The following MID1 variants were observed in gnomAD, a reference collection of about 807,000 sequenced individuals.
MID1 encodes E3 ubiquitin-protein ligase Midline-1.
MID1 carries 7 observed loss-of-function variants against 40.4 expected under a neutral mutation model. That is an observed-to-expected ratio of 0.17 (90% CI 0.10 to 0.33). The LOEUF is 0.33. Ranked by LOEUF, MID1 falls within the 10% of genes least tolerant of loss-of-function variation. The pLI, the probability that MID1 is intolerant of heterozygous loss-of-function variation, is 1.00. For synonymous variants in MID1, 229 were observed against 221.2 expected (o/e 1.04, Z -0.31); for missense variants, 367 against 558.5 (o/e 0.66, Z 3.46).
chrX:10,571,821 T>C (rs990157051), intron 1 of MID1, among the ~76,000 whole-genome samples: 7 of 109,965 alleles, frequency 6.4e-5, no homozygotes, highest in Non-Finnish European at 1.3e-4. Context: ...CTTGGGAGGC[T>C]GAGGCTGCAA....
intron 1 of MID1, among the ~76,000 whole-genome samples, chrX:10,689,689 T>C (rs905539231): frequency 1.8e-5 from 2 of 108,711 alleles, no homozygotes; most frequent in Admixed American, 2.0e-4. Flanking sequence ...GTGTTTCAAA[T>C]GTTGTAGATT....
chrX:10,596,815 C>A (rs927513446), intron 1 of MID1, among the ~76,000 whole-genome samples: 1 of 112,047 alleles, frequency 8.9e-6, no homozygotes, highest in African/African-American at 3.2e-5. Context: ...GACACCAAAA[C>A]CCTGTTAGAA....
chrX:10,795,656 G>A (rs2043962181), intron 1 of MID1, among the ~76,000 whole-genome samples: 1 of 112,453 alleles, frequency 8.9e-6, no homozygotes. Context: ...TCTTTAAAGA[G>A]AAAGAAGAGA....
At chrX:10,460,749 G>A (rs956441320) in intron 7 of MID1, among the ~76,000 whole-genome samples, 4 of 110,983 alleles carry the variant, frequency 3.6e-5, no homozygotes, top group African/African-American at 9.9e-5. Flanking sequence ...AAGTCAAAGG[G>A]TTAGTTCCTT....
chrX:10,797,776 G>C (rs762213769), intron 1 of MID1, among the ~76,000 whole-genome samples: 1 of 111,760 alleles, frequency 8.9e-6, no homozygotes, highest in Non-Finnish European at 1.9e-5. Context: ...ACCAAATATA[G>C]TTGGTAACAA....
chrX:10,644,243 A>G (rs904049405), intron 1 of MID1, among the ~76,000 whole-genome samples: 3 of 111,142 alleles, frequency 2.7e-5, no homozygotes, highest in African/African-American at 9.8e-5. Context: ...CAGAAACTAA[A>G]TTAAATTGTG....
intron 1 of MID1, among the ~76,000 whole-genome samples, chrX:10,712,840 T>C (rs2043278078): frequency 9.0e-6 from 1 of 111,496 alleles, no homozygotes; most frequent in Admixed American, 9.6e-5. Flanking sequence ...TTTCTTTCTT[T>C]CTTTTTTATT....
chrX:10,723,680 T>C (rs1429005290), intron 1 of MID1, among the ~76,000 whole-genome samples: 2 of 111,853 alleles, frequency 1.8e-5, no homozygotes, highest in African/African-American at 6.5e-5. Flanking sequence ...GCCTCCGGAG[T>C]AGCTGGGACT....
chrX:10,825,189 C>G (rs1279279883), intron 1 of MID1, among the ~76,000 whole-genome samples: 1 of 111,835 alleles, frequency 8.9e-6, no homozygotes, highest in African/African-American at 3.2e-5. Context: ...AGACAAGGAA[C>G]AAGGCAAGAA....
At chrX:10,697,525 T>A (rs1443121220) in intron 1 of MID1, among the ~76,000 whole-genome samples, 7 of 111,948 alleles carry the variant, frequency 6.3e-5, no homozygotes, top group Non-Finnish European at 1.9e-5. Context: ...GATGACTTTT[T>A]TCCATGAAAA....
chrX:10,767,582 G>A (rs1380860774), intron 1 of MID1, among the ~76,000 whole-genome samples: 1 of 111,931 alleles, frequency 8.9e-6, no homozygotes. Flanking sequence ...GCCTCCCAAA[G>A]TGCTGGGATT....
intron 1 of MID1, among the ~76,000 whole-genome samples, chrX:10,601,617 C>A (rs1026017585): frequency 1.8e-5 from 2 of 111,611 alleles, no homozygotes; most frequent in African/African-American, 6.5e-5. Context: ...AAGAACCGTA[C>A]AAATAGCTTG....
chrX:10,517,993 A>AAC (rs1226123160), intron 3 of MID1, among the ~76,000 whole-genome samples: 1 of 112,024 alleles, frequency 8.9e-6, no homozygotes, highest in Non-Finnish European at 1.9e-5. Flanking sequence ...AACACAGTGC[A>AAC]ACACACACAC....
At chrX:10,522,393 A>G (rs1932752544) in intron 3 of MID1, among the ~76,000 whole-genome samples, 1 of 112,449 alleles carries the variant, frequency 8.9e-6, no homozygotes. Context: ...CCCTGCCAAA[A>G]TCTTGATTTC....
At chrX:10,641,815 A>T (rs1936200183) in intron 1 of MID1, among the ~76,000 whole-genome samples, 1 of 111,816 alleles carries the variant, frequency 8.9e-6, no homozygotes, top group Non-Finnish European at 1.9e-5. Flanking sequence ...ACGTTTATCC[A>T]CCGCGATCAA....
At chrX:10,505,094 T>C (rs779524000) in intron 3 of MID1, among the ~76,000 whole-genome samples, 27 of 112,066 alleles carry the variant, frequency 2.4e-4, no homozygotes, top group African/African-American at 6.8e-4. Flanking sequence ...ATCTGGTACA[T>C]AGTAGATGCT....
At chrX:10,754,677 C>T (rs779744942) in intron 1 of MID1, among the ~76,000 whole-genome samples, 3 of 110,752 alleles carry the variant, frequency 2.7e-5, no homozygotes, top group Admixed American at 1.9e-4. Flanking sequence ...GATGGTGATG[C>T]GATTAGCCGG....
chrX:10,591,697 TC>T (rs1467042023), intron 1 of MID1, among the ~76,000 whole-genome samples: 4 of 77,849 alleles, frequency 5.1e-5, no homozygotes, highest in Non-Finnish European at 9.9e-5. Flanking sequence ...CCCCTTCACC[TC>T]CCTGCCTATC....
chrX:10,631,731 T>C (rs1908858818), intron 1 of MID1, among the ~76,000 whole-genome samples: 1 of 112,034 alleles, frequency 8.9e-6, no homozygotes, highest in Admixed American at 9.5e-5. Flanking sequence ...TGATGAAGTC[T>C]TTGCTGAGAA....
Sources: allele counts gnomAD v4.1 joint callset (sites outside exome capture counted in the v4.1 genomes callset), GRCh38; gene constraint gnomAD v4.1.1; transcripts MANE v1.5; gene names NCBI Gene and HGNC (gene_info 2026-07-23, HGNC 2026-07-21).